The following WDR37 variants were observed in gnomAD, a reference collection of about 807,000 sequenced individuals.
WDR37 encodes the protein WD repeat-containing protein 37.
A neutral mutation model predicts 62.9 loss-of-function variants in WDR37; 19 were observed. That is an observed-to-expected ratio of 0.30 (90% CI 0.21 to 0.44). The LOEUF (loss-of-function observed/expected upper bound fraction) is 0.44, where lower values mean the gene tolerates loss of function less well. WDR37 is among the 20% of genes least tolerant of loss of function. WDR37 has a pLI of 1.00. For missense variants in WDR37, 474 were observed against 657.6 expected (o/e 0.72, Z 3.05); for synonymous variants, 250 against 260.9 (o/e 0.96, Z 0.40).
At chr10:1,074,955 G>A (rs1308400636) in intron 2 of WDR37, among the ~76,000 whole-genome samples, 2 of 152,274 alleles carry the variant, frequency 1.3e-5, no homozygotes, top group Admixed American at 1.3e-4. Flanking sequence ...GCACGTGCGT[G>A]CAGGTGCTTT....
In WDR37 at chr10:1,071,837, G is replaced by A. The variant is rs1459459644; in HGVS notation, c.-40-279G>A. 5.9e-5 allele frequency among the ~76,000 whole-genome samples: 9 copies of A among 152,084 alleles called. No homozygotes were observed. The East Asian group carries it at 1.2e-3, about 20-fold the overall frequency. On this transcript the variant is annotated intron_variant, in intron 1 of 13. Transcript: ENST00000263150. Reference sequence around the variant, plus strand: ...GAGTAGACTGTGCCTGGGGAATTCCGTTGGGTTAAGGGAGAGCAATTTTTT... The same window carrying A: ...GAGTAGACTGTGCCTGGGGAATTCCATTGGGTTAAGGGAGAGCAATTTTTT...
At chr10:1,084,836 T>A (rs939135715) in intron 6 of WDR37, among the ~76,000 whole-genome samples, 2 of 152,266 alleles carry the variant, frequency 1.3e-5, no homozygotes, top group Admixed American at 1.3e-4. Context: ...ATCTGCACCC[T>A]GTCTTTTCCA....
intron 9 of WDR37, among the ~76,000 whole-genome samples, chr10:1,098,644 A>C (rs1834682048): frequency 6.6e-6 from 1 of 152,198 alleles, no homozygotes; most frequent in South Asian, 2.1e-4. Flanking sequence ...TAATATTAAT[A>C]GAAGAGCCCC....
At chr10:1,115,141 C>G (rs1289103036) in intron 11 of WDR37, among the ~76,000 whole-genome samples, 3 of 151,856 alleles carry the variant, frequency 2.0e-5, no homozygotes, top group Non-Finnish European at 2.9e-5. Flanking sequence ...CTGCCTTGTG[C>G]CGGGCTGGCA....
intron 9 of WDR37, among the ~76,000 whole-genome samples, chr10:1,102,822 G>T (rs1307073796): frequency 6.6e-6 from 1 of 151,712 alleles, no homozygotes; most frequent in Admixed American, 6.6e-5. Flanking sequence ...CATACTAACG[G>T]GTGTGTGTGT....
rs1168914323 is a variant in WDR37 at position 1,132,055 on chromosome 10, G to T, written c.*2711G>T. The stretch of plus-strand genomic sequence containing the variant: ...TGGAGGAAAATGTATGCATTTATAA[G>T]TGTTCCATGGAATCAGTTTTTATTG... On this transcript the variant is annotated 3_prime_UTR_variant, in exon 14 of 14. Transcript: ENST00000263150. The T allele has an allele frequency of 6.6e-6, 1 of 152,614 alleles. No individual in the cohort carries two copies. The highest frequency in any genetic ancestry group is 1.5e-5 in the Non-Finnish European group (1 of 68,026). 9.5% of individuals were successfully genotyped at this position (152,614 alleles called of 1,614,324 possible).
chr10:1,087,462 G>GA (rs1210361997), intron 7 of WDR37, among the ~76,000 whole-genome samples: 2 of 152,216 alleles, frequency 1.3e-5, no homozygotes, highest in African/African-American at 4.8e-5. Context: ...CTTAAGACTT[G>GA]AAAATCGAAA....
At chr10:1,094,995 G>T (rs1268609713) in intron 8 of WDR37, among the ~76,000 whole-genome samples, 6 of 148,388 alleles carry the variant, frequency 4.0e-5, no homozygotes, top group African/African-American at 7.5e-5. Context: ...AGGTGATGGG[G>T]ATAGCGAGGA....
intron 11 of WDR37, among the ~76,000 whole-genome samples, chr10:1,117,653 CAGGT>C (rs1481524350): frequency 6.6e-6 from 1 of 152,150 alleles, no homozygotes; most frequent in Non-Finnish European, 1.5e-5. Context: ...ACTCCGGAGA[CAGGT>C]GGGGGTGTCT....
chr10:1,092,429 C>G (rs1368373746), intron 7 of WDR37, among the ~76,000 whole-genome samples: 2 of 151,158 alleles, frequency 1.3e-5, no homozygotes, highest in African/African-American at 4.9e-5. Context: ...TGCAGTGGCT[C>G]GCGGATCTTG....
chr10:1,126,634 C>T (rs1361767989), intron 13 of WDR37, among the ~76,000 whole-genome samples: 1 of 152,212 alleles, frequency 6.6e-6, no homozygotes. Flanking sequence ...CTCTGTGGCT[C>T]CTTCTGTGGA....
chr10:1,125,411 A>G (rs1835708586), intron 13 of WDR37, among the ~76,000 whole-genome samples: 1 of 152,102 alleles, frequency 6.6e-6, no homozygotes, highest in Non-Finnish European at 1.5e-5. Context: ...CAGGCTGGTT[A>G]GTTAGTCAGG....
At chr10:1,110,571 G>C (rs1391132692) in intron 11 of WDR37, among the ~76,000 whole-genome samples, 7 of 152,318 alleles carry the variant, frequency 4.6e-5, no homozygotes, top group South Asian at 2.1e-4. Context: ...TGAGATGTGC[G>C]TCCGCGCCCC....
chr10:1,069,654 G>A (rs1833670950), intron 1 of WDR37, among the ~76,000 whole-genome samples: 1 of 151,716 alleles, frequency 6.6e-6, no homozygotes, highest in South Asian at 2.1e-4. Flanking sequence ...ATGGTGCCAG[G>A]GAGTTGGGGT....
intron 2 of WDR37, among the ~76,000 whole-genome samples, chr10:1,076,993 C>CTTT (rs1833898176): frequency 7.0e-6 from 1 of 143,374 alleles, no homozygotes; most frequent in East Asian, 2.0e-4. Flanking sequence ...GAGCGAGACT[C>CTTT]TGTCTCGAAA....
At chr10:1,072,406 C>A (rs1833757579) in intron 2 of WDR37, 113 bp downstream of exon 2, 2 of 1,378,576 alleles carry the variant, frequency 1.5e-6, no homozygotes. Flanking sequence ...CCTCCACCTC[C>A]TGGGTGGAAG....
chr10:1,118,811 C>G (rs1464859094), intron 11 of WDR37, among the ~76,000 whole-genome samples: 1 of 152,224 alleles, frequency 6.6e-6, no homozygotes, highest in African/African-American at 2.4e-5. Context: ...CGCTGTCTCC[C>G]TGCCCTGATG....
intron 11 of WDR37, among the ~76,000 whole-genome samples, chr10:1,123,434 C>T (rs899019178): frequency 5.3e-5 from 8 of 152,198 alleles, no homozygotes; most frequent in Non-Finnish European, 7.3e-5. Context: ...CCCCAGACCC[C>T]GAGAACCTCT....
intron 11 of WDR37, among the ~76,000 whole-genome samples, chr10:1,115,661 G>C (rs1305769314): frequency 6.6e-6 from 1 of 152,206 alleles, no homozygotes; most frequent in Non-Finnish European, 1.5e-5. Context: ...TCTGGGTGCT[G>C]TCCGGCCAGC....
Sources: gnomAD v4.1 joint callset for allele counts (sites outside exome capture counted in the v4.1 genomes callset) on GRCh38, gnomAD v4.1.1 for gene constraint, MANE v1.5 for transcripts, NCBI Gene and HGNC (gene_info 2026-07-23, HGNC 2026-07-21) for gene names.